Variants in KIAA1217 observed in about 807,000 individuals in gnomAD.
KIAA1217 encodes KIAA1217, also known as sickle tail protein homolog.
In KIAA1217, 88 loss-of-function variants were observed where a neutral mutation model predicts 163.9. The ratio of observed to expected loss-of-function variants is 0.54; its 90% CI spans 0.45 to 0.64. The LOEUF (loss-of-function observed/expected upper bound fraction) is 0.64. Among genes scored for constraint, KIAA1217 ranks in the 30% least tolerant of loss-of-function variants. The probability of loss-of-function intolerance (pLI) is 0.00; values close to 1 mark genes in which losing one functional copy is unlikely to be tolerated. For synonymous variants in KIAA1217, 903 were observed against 923.1 expected (o/e 0.98, Z 0.39); for missense variants, 2,372 against 2,475.0 (o/e 0.96, Z 0.88).
At chr10:23,772,127 A>G (rs1834825395) in intron 1 of KIAA1217, among the ~76,000 whole-genome samples, 1 of 152,216 alleles carries the variant, frequency 6.6e-6, no homozygotes, top group Non-Finnish European at 1.5e-5. Flanking sequence ...AATATACCAA[A>G]CTTAAAAATA....
intron 2 of KIAA1217, among the ~76,000 whole-genome samples, chr10:24,268,537 A>G (rs1471616267): frequency 2.0e-5 from 3 of 148,064 alleles, no homozygotes; most frequent in Admixed American, 1.4e-4. Context: ...TAGAATGGCA[A>G]TCATTAAAAA....
intron 1 of KIAA1217, among the ~76,000 whole-genome samples, chr10:23,721,452 T>C (rs534159841): frequency 2.0e-5 from 3 of 152,190 alleles, no homozygotes; most frequent in Non-Finnish European, 4.4e-5. Context: ...TCAGGGTTAC[T>C]GTTATAAATA....
At chr10:23,716,777 G>A (rs1274984897) in intron 1 of KIAA1217, among the ~76,000 whole-genome samples, 1 of 152,062 alleles carries the variant, frequency 6.6e-6, no homozygotes, top group Non-Finnish European at 1.5e-5. Flanking sequence ...AAACATTCTT[G>A]TGGCTTTGTT....
At chr10:23,945,584 C>T (rs555660975) in intron 1 of KIAA1217, among the ~76,000 whole-genome samples, 4 of 152,134 alleles carry the variant, frequency 2.6e-5, no homozygotes, top group South Asian at 2.1e-4. Flanking sequence ...ACACATTTTA[C>T]GTTTAAGATC....
chr10:23,990,302 T>C (rs71493357), intron 1 of KIAA1217, among the ~76,000 whole-genome samples: 1,703 of 152,326 alleles, frequency 0.011, 23 homozygotes, highest in Non-Finnish European at 0.017. Context: ...CGTTAAGGGA[T>C]TGGACTTTCA....
intron 1 of KIAA1217, among the ~76,000 whole-genome samples, chr10:23,715,834 C>A (rs1837534790): frequency 6.6e-6 from 1 of 152,212 alleles, no homozygotes; most frequent in African/African-American, 2.4e-5. Flanking sequence ...ACTTTTACAA[C>A]ATTTTATTTA....
chr10:24,027,137 T>A (rs1847987438), intron 2 of KIAA1217, among the ~76,000 whole-genome samples: 1 of 152,074 alleles, frequency 6.6e-6, no homozygotes, highest in South Asian at 2.1e-4. Flanking sequence ...ATCTTCATAG[T>A]TCTGTGCAGC....
At chr10:23,953,211 G>A (rs12264351) in intron 1 of KIAA1217, among the ~76,000 whole-genome samples, 18,377 of 152,186 alleles carry the variant, frequency 0.12, 2,142 homozygotes, top group African/African-American at 0.31. Flanking sequence ...CAGTGTTTTA[G>A]TTGGGATTGT....
At chr10:24,148,529 T>C (rs1230849011) in intron 2 of KIAA1217, among the ~76,000 whole-genome samples, 1 of 152,154 alleles carries the variant, frequency 6.6e-6, no homozygotes, top group Non-Finnish European at 1.5e-5. Context: ...ATGGTAATGA[T>C]TGATTGAGTT....
chr10:24,136,176 T>G (rs10741044), intron 2 of KIAA1217, among the ~76,000 whole-genome samples: 96,717 of 152,010 alleles, frequency 0.64, 30,936 homozygotes, highest in South Asian at 0.76. Flanking sequence ...TCGGCATCGG[T>G]ACAAAGAATA....
At chr10:23,804,913 C>G (rs952539508) in intron 1 of KIAA1217, among the ~76,000 whole-genome samples, 1 of 152,068 alleles carries the variant, frequency 6.6e-6, no homozygotes, top group African/African-American at 2.4e-5. Context: ...TAGTTAGGAT[C>G]TCTGATCTTA....
intron 1 of KIAA1217, among the ~76,000 whole-genome samples, chr10:23,787,024 C>T (rs1261495576): frequency 6.6e-6 from 1 of 152,050 alleles, no homozygotes; most frequent in Non-Finnish European, 1.5e-5. Flanking sequence ...ACATATTTTT[C>T]TTCTGAGCAA....
At chr10:23,783,746 A>G (rs573613760) in intron 1 of KIAA1217, among the ~76,000 whole-genome samples, 2 of 151,894 alleles carry the variant, frequency 1.3e-5, no homozygotes, top group Admixed American at 1.3e-4. Flanking sequence ...TTTCTGTGCT[A>G]TTGATTTGTT....
chr10:24,265,725 A>G (rs957730109), intron 2 of KIAA1217, among the ~76,000 whole-genome samples: 2 of 152,196 alleles, frequency 1.3e-5, no homozygotes, highest in African/African-American at 4.8e-5. Flanking sequence ...TAGATGATAG[A>G]TGTACAGGGG....
At chr10:24,283,192 A>G (rs545718299) in intron 2 of KIAA1217, among the ~76,000 whole-genome samples, 16 of 152,258 alleles carry the variant, frequency 1.1e-4, no homozygotes, top group Non-Finnish European at 1.8e-4. Flanking sequence ...ATGTGTGGAT[A>G]CTAAACCATG....
intron 1 of KIAA1217, among the ~76,000 whole-genome samples, chr10:23,712,317 G>T (rs540852574): frequency 6.6e-6 from 1 of 151,928 alleles, no homozygotes; most frequent in Non-Finnish European, 1.5e-5. Context: ...CTTAGAGTTT[G>T]CCAAGACTGG....
chr10:24,058,716 T>C lies in KIAA1217; in HGVS notation c.-171+51342T>C, dbSNP rs372219754. On this transcript the variant is annotated intron_variant, in intron 2 of 18. Transcript: ENST00000376462. ...TGTTAGTGTATAGAAACACAACTTA[T>C]TTTCATATGTTGATTTTATACCCTG... Among the ~76,000 whole-genome samples, 59 of 152,304 alleles carry C rather than the reference T, an allele frequency of 3.9e-4. 1 individual carries two copies. In the East Asian group the frequency reaches 9.6e-3, roughly 25 times the overall value.
intron 1 of KIAA1217, among the ~76,000 whole-genome samples, chr10:23,844,613 T>C (rs1838933335): frequency 6.6e-6 from 1 of 152,166 alleles, no homozygotes; most frequent in Non-Finnish European, 1.5e-5. Flanking sequence ...GTTTTCTCTA[T>C]CTCTTTTGTT....
At chr10:24,245,861 C>A (rs1297358818) in intron 2 of KIAA1217, among the ~76,000 whole-genome samples, 1 of 151,736 alleles carries the variant, frequency 6.6e-6, no homozygotes, top group Admixed American at 6.6e-5. Flanking sequence ...TGGTCTCAGA[C>A]TCCTGGGCTC....
Sources: allele counts gnomAD v4.1 joint callset (sites outside exome capture counted in the v4.1 genomes callset), GRCh38; gene constraint gnomAD v4.1.1; transcripts MANE v1.5; gene names NCBI Gene and HGNC (gene_info 2026-07-23, HGNC 2026-07-21).